GRAP2: variants seen among roughly 807,000 people sequenced by gnomAD.
GRAP2 encodes GRB2 related adaptor protein 2.
In GRAP2, 31 loss-of-function variants were observed where a neutral mutation model predicts 43.5. That is an observed-to-expected ratio of 0.71 (90% CI 0.54 to 0.96). The LOEUF (loss-of-function observed/expected upper bound fraction) is 0.96, where lower values mean the gene tolerates loss of function less well. GRAP2 is among the 40% of genes least tolerant of loss of function. GRAP2 has a pLI of 0.00. For synonymous variants in GRAP2, 156 were observed against 164.8 expected, an observed-to-expected ratio of 0.95 and a Z score of 0.41; for missense variants, 371 against 424.4, an observed-to-expected ratio of 0.87 and a Z score of 1.11.
intron 1 of GRAP2, among the ~76,000 whole-genome samples, chr22:39,937,672 C>T (rs920532602): frequency 6.6e-6 from 1 of 152,312 alleles, no homozygotes; most frequent in East Asian, 1.9e-4. Context: ...CCCTGCAACA[C>T]TGGGGACTAA....
chr22:39,937,227 C>G (rs1601712190), intron 1 of GRAP2, among the ~76,000 whole-genome samples: 1 of 152,322 alleles, frequency 6.6e-6, no homozygotes, highest in East Asian at 1.9e-4. Context: ...GTTCACGTTT[C>G]TAGGCATTGG....
chr22:39,947,055 G>A (rs2066929961), intron 1 of GRAP2, 38 bp from the exon 2 acceptor site: 3 of 1,178,618 alleles, frequency 2.5e-6, no homozygotes, highest in Admixed American at 3.4e-5. Flanking sequence ...CCCTCCCCCT[G>A]GCAGAGAGGC....
intron 1 of GRAP2, among the ~76,000 whole-genome samples, chr22:39,942,587 C>T (rs1285901453): frequency 1.3e-5 from 2 of 151,638 alleles, no homozygotes; most frequent in East Asian, 1.9e-4. Flanking sequence ...GAGTTCGAGA[C>T]CAGCCTGGGC....
At position 39,906,037 on chromosome 22, in the gene GRAP2, A is replaced by G. The variant is rs1041147991; in HGVS notation, c.-15+4707A>G. Among the ~76,000 whole-genome samples the G allele has an allele frequency of 3.9e-5, 6 of 152,348 alleles. No individual in the cohort carries two copies. The East Asian group carries it at 9.6e-4, about 24-fold the overall frequency. ...AGGCTCTGTACAAGAAACCTTGAACATAAAATACTTGGAACAGAAAAGAGT... is the reference window on the plus strand; with the variant it reads ...AGGCTCTGTACAAGAAACCTTGAACGTAAAATACTTGGAACAGAAAAGAGT... On this transcript the variant is annotated intron_variant, in intron 1 of 7. Coordinates refer to ENST00000344138, the MANE Select transcript of GRAP2 (RefSeq NM_004810.4).
chr22:39,964,931 A>G (rs1266256226), intron 4 of GRAP2, among the ~76,000 whole-genome samples: 1 of 152,198 alleles, frequency 6.6e-6, no homozygotes, highest in Non-Finnish European at 1.5e-5. Flanking sequence ...AGGTGGCGTG[A>G]CAGGCCAAGC....
At chr22:39,946,793 C>G in intron 1 of GRAP2, 1 of 299,634 alleles carries the variant, frequency 3.3e-6, no homozygotes, top group Non-Finnish European at 6.4e-6. Flanking sequence ...AACAGAGATG[C>G]CCCCAAAAGT....
intron 4 of GRAP2, chr22:39,964,229 CCCTT>C: frequency 1.7e-6 from 1 of 578,448 alleles, no homozygotes; most frequent in Non-Finnish European, 3.0e-6. Context: ...GCTCAGCCCA[CCCTT>C]CCTAGATGGA....
rs1387753137 is a variant in GRAP2 at position 39,940,443 on chromosome 22, A to C, written c.-14-6650A>C. 3.4e-5 allele frequency among the ~76,000 whole-genome samples: 5 copies of C among 146,836 alleles called. No individual in the cohort carries two copies. The Admixed American group carries it at 3.5e-4, about 10-fold the overall frequency. On this transcript the variant is annotated intron_variant, in intron 1 of 7. Transcript: ENST00000344138. ...TCAGAATAGATTGATTTGGGTCTCT[A>C]GAAGAATATTTAAGCAGTGGCTTAC...
chr22:39,931,774 A>T (rs1306000197), intron 1 of GRAP2, among the ~76,000 whole-genome samples: 2 of 152,238 alleles, frequency 1.3e-5, no homozygotes, highest in African/African-American at 4.8e-5. Flanking sequence ...CTTTACCACA[A>T]ATACGGACTT....
intron 1 of GRAP2, among the ~76,000 whole-genome samples, chr22:39,939,478 C>T (rs2066842602): frequency 6.9e-6 from 1 of 144,854 alleles, no homozygotes; most frequent in Non-Finnish European, 1.5e-5. Flanking sequence ...AGGAGAATAG[C>T]ATGAACCCGG....
intron 3 of GRAP2, among the ~76,000 whole-genome samples, chr22:39,957,032 C>A (rs1387099691): frequency 6.6e-6 from 1 of 152,124 alleles, no homozygotes; most frequent in Non-Finnish European, 1.5e-5. Context: ...AGGGGAAATT[C>A]TCTTCCTAAA....
rs192492562 is a variant in GRAP2 at position 39,919,436 on chromosome 22, C to G, written c.-15+18106C>G. 3.8e-3 allele frequency among the ~76,000 whole-genome samples: 582 copies of G among 151,900 alleles called. 1 individual carries two copies. Among genetic ancestry groups the G allele is most frequent in the Non-Finnish European group, 6.3e-3 (431 of 67,924 alleles). ...TTTAAGGTTTCTAATTATATTAGAC[C>G]CTGTTTTTTATTTTATTTAGAGTCA... On this transcript the variant is annotated intron_variant, in intron 1 of 7. Transcript: ENST00000344138.
At chr22:39,940,371 T>G (rs1225963773) in intron 1 of GRAP2, among the ~76,000 whole-genome samples, 2 of 139,032 alleles carry the variant, frequency 1.4e-5, no homozygotes, top group Non-Finnish European at 3.0e-5. Context: ...CAGCCTGTTT[T>G]GTTTTTTGTT....
chr22:39,897,515 C>CTTTTTTT (rs368180670), upstream of GRAP2, among the ~76,000 whole-genome samples: 1 of 127,648 alleles, frequency 7.8e-6, no homozygotes, highest in Non-Finnish European at 1.7e-5. Context: ...AAAGTAGCCT[C>CTTTTTTT]TTTTTTTTTT....
chr22:39,968,359 A>C (rs2067197715), intron 6 of GRAP2, 87 bp downstream of exon 6: 1 of 1,508,104 alleles, frequency 6.6e-7, no homozygotes, highest in Non-Finnish European at 9.0e-7. Context: ...TTGAGTTCTC[A>C]GAGAGTTCAT....
At chr22:39,933,947 A>C (rs13056188) in intron 1 of GRAP2, among the ~76,000 whole-genome samples, 1 of 152,174 alleles carries the variant, frequency 6.6e-6, no homozygotes, top group African/African-American at 2.4e-5. Context: ...GAACAGGAAC[A>C]CAGTAGCTAA....
intron 1 of GRAP2, among the ~76,000 whole-genome samples, chr22:39,925,769 A>T (rs1197399942): frequency 6.6e-6 from 1 of 152,032 alleles, no homozygotes; most frequent in Non-Finnish European, 1.5e-5. Context: ...CTTACTCTAC[A>T]CCAAGCCCCC....
intron 2 of GRAP2, among the ~76,000 whole-genome samples, chr22:39,951,853 A>G (rs939361159): frequency 6.6e-6 from 1 of 152,068 alleles, no homozygotes; most frequent in African/African-American, 2.4e-5. Context: ...AGAGCCTGCA[A>G]ATTCACCTCT....
chr22:39,970,329 C>T (rs1346449361), intron 7 of GRAP2, among the ~76,000 whole-genome samples: 1 of 152,196 alleles, frequency 6.6e-6, no homozygotes, highest in Non-Finnish European at 1.5e-5. Flanking sequence ...AATCCTCCTA[C>T]CTCAGCCTCC....
Sources: gnomAD v4.1 joint callset for allele counts (sites outside exome capture counted in the v4.1 genomes callset) on GRCh38, gnomAD v4.1.1 for gene constraint, MANE v1.5 for transcripts, NCBI Gene and HGNC (gene_info 2026-07-23, HGNC 2026-07-21) for gene names.